The following NALCN variants were observed in gnomAD, a reference collection of about 807,000 sequenced individuals.
NALCN encodes sodium leak channel NALCN.
A neutral mutation model predicts 225.3 loss-of-function variants in NALCN; 111 were observed. The observed-to-expected ratio is 0.49, with a 90% CI of 0.42 to 0.58. NALCN has a LOEUF of 0.58. Ranked by LOEUF, NALCN falls within the 20% of genes least tolerant of loss-of-function variation. The probability of loss-of-function intolerance (pLI) is 0.00; values close to 1 mark genes in which losing one functional copy is unlikely to be tolerated. For missense variants in NALCN, 1,378 were observed against 2,202.4 expected (o/e 0.63, Z 7.49); for synonymous variants, 764 against 769.0 (o/e 0.99, Z 0.11).
intron 6 of NALCN, among the ~76,000 whole-genome samples, chr13:101,374,277 T>C (rs952040649): frequency 1.4e-5 from 2 of 145,786 alleles, no homozygotes; most frequent in Non-Finnish European, 3.0e-5. Context: ...TCTTTCTTTT[T>C]TTTTTTTTTT....
At chr13:101,311,086 A>G (rs562678364) in intron 7 of NALCN, among the ~76,000 whole-genome samples, 1 of 151,222 alleles carries the variant, frequency 6.6e-6, no homozygotes, top group Non-Finnish European at 1.5e-5. Flanking sequence ...ATCCCTCGTA[A>G]GTTGGATTGC....
intron 38 of NALCN, 147 bp from the exon 39 acceptor site, chr13:101,068,180 T>C (rs1437805684): frequency 6.6e-6 from 4 of 608,100 alleles, no homozygotes; most frequent in Non-Finnish European, 1.1e-5. Flanking sequence ...GGTTTCCAAA[T>C]TGGCATGTTT....
At chr13:101,106,837 T>C (rs537792478) in intron 22 of NALCN, among the ~76,000 whole-genome samples, 62 of 152,234 alleles carry the variant, frequency 4.1e-4, no homozygotes, top group Non-Finnish European at 7.9e-4. Context: ...GTCTCAGGTA[T>C]GTCTTTATCA....
At chr13:101,110,560 C>A (rs1475202621) in intron 20 of NALCN, 59 bp downstream of exon 20, 2 of 1,563,048 alleles carry the variant, frequency 1.3e-6, no homozygotes, top group African/African-American at 1.4e-5. Context: ...TCTAAGCAGT[C>A]ATTTAAATAC....
intron 10 of NALCN, among the ~76,000 whole-genome samples, chr13:101,273,127 A>G (rs771744814): frequency 3.9e-5 from 6 of 152,188 alleles, no homozygotes; most frequent in Non-Finnish European, 5.9e-5. Flanking sequence ...TCCTCATGGT[A>G]ATAGAGCACG....
At chr13:101,124,784 T>C (rs1017029597) in intron 17 of NALCN, 103 bp from the exon 18 acceptor site, 6 of 979,366 alleles carry the variant, frequency 6.1e-6, no homozygotes, top group Admixed American at 4.0e-5. Flanking sequence ...AACATGAATA[T>C]GTTTCGCTAA....
intron 10 of NALCN, among the ~76,000 whole-genome samples, chr13:101,271,378 CTGTTT>C (rs1462767260): frequency 6.6e-6 from 1 of 151,920 alleles, no homozygotes; most frequent in African/African-American, 2.4e-5. Context: ...ATTGGCCTCT[CTGTTT>C]AGTTTATTTG....
At chr13:101,393,247 A>G (rs923539869) in intron 3 of NALCN, among the ~76,000 whole-genome samples, 2 of 152,226 alleles carry the variant, frequency 1.3e-5, no homozygotes, top group East Asian at 3.9e-4. Context: ...AATGCAAATT[A>G]AAACTACAGT....
At chr13:101,126,171 T>C (rs532438925) in intron 17 of NALCN, among the ~76,000 whole-genome samples, 1 of 152,254 alleles carries the variant, frequency 6.6e-6, no homozygotes, top group East Asian at 1.9e-4. Context: ...AATGATAACC[T>C]AGATAACATC....
chr13:101,209,697 T>A (rs1031017585), intron 13 of NALCN, among the ~76,000 whole-genome samples: 21 of 152,220 alleles, frequency 1.4e-4, no homozygotes, highest in Non-Finnish European at 1.9e-4. Flanking sequence ...TCTCCCTCGC[T>A]CTTCAAGAGA....
chr13:101,257,209 G>GTTTT (rs34334262), intron 11 of NALCN, among the ~76,000 whole-genome samples: 1,713 of 121,042 alleles, frequency 0.014, 52 homozygotes, highest in African/African-American at 0.019. Context: ...ATTGTTTATT[G>GTTTT]TTTTTTTTTT....
chr13:101,236,665 C>T (rs2041564779), intron 12 of NALCN, among the ~76,000 whole-genome samples: 1 of 149,180 alleles, frequency 6.7e-6, no homozygotes, highest in Non-Finnish European at 1.5e-5. Flanking sequence ...ATCGCAAGAA[C>T]AAAAAACCAA....
intron 41 of NALCN, among the ~76,000 whole-genome samples, chr13:101,061,183 G>T (rs2139404358): frequency 6.6e-6 from 1 of 152,282 alleles, no homozygotes; most frequent in Admixed American, 6.5e-5. Context: ...ATGAGTTAGA[G>T]AATCTTATAG....
intron 12 of NALCN, among the ~76,000 whole-genome samples, chr13:101,237,077 C>G (rs967855559): frequency 2.2e-4 from 33 of 151,358 alleles, no homozygotes; most frequent in Non-Finnish European, 7.4e-5. Context: ...AAGTATTTAC[C>G]AGGACAGTGA....
Position 101,104,255 on chromosome 13 carries a change from A to G in NALCN, c.2889+40T>C. On this transcript the variant is annotated intron_variant, in intron 25 of 43. Transcript: ENST00000251127. This position sits in a 1 kb window ranked among gnomAD's most constrained non-coding sequence, Gnocchi z 4.2. ...CAAGAAATGCAGGAGATTTTACAAA[A>G]CCATTACATTTTTCATTTAGGCAAT... The G allele has an allele frequency of 1.3e-6, 2 of 1,559,470 alleles. No individual in the cohort carries two copies. Among genetic ancestry groups the G allele is most frequent in the Non-Finnish European group, 1.7e-6 (2 of 1,157,316 alleles).
intron 13 of NALCN, among the ~76,000 whole-genome samples, chr13:101,207,989 G>T (rs112584980): frequency 6.6e-6 from 1 of 151,588 alleles, no homozygotes; most frequent in African/African-American, 2.4e-5. Flanking sequence ...CTCCAGAGGC[G>T]CTGCCTTTAT....
chr13:101,253,720 C>A (rs750989947), intron 11 of NALCN, among the ~76,000 whole-genome samples: 11 of 152,024 alleles, frequency 7.2e-5, no homozygotes, highest in Admixed American at 2.0e-4. Context: ...ATAGCTTAAA[C>A]CAAGATCCAT....
intron 13 of NALCN, among the ~76,000 whole-genome samples, chr13:101,197,714 C>A (rs2039947790): frequency 6.6e-6 from 1 of 152,154 alleles, no homozygotes; most frequent in Non-Finnish European, 1.5e-5. Context: ...CAACTCTACC[C>A]TGCCAGGGAA....
intron 15 of NALCN, among the ~76,000 whole-genome samples, chr13:101,146,977 C>T (rs1490093918): frequency 1.1e-4 from 16 of 152,152 alleles, no homozygotes; most frequent in African/African-American, 3.1e-4. Flanking sequence ...CGAGACTTCA[C>T]GGGCAGCAGA....
Sources: gnomAD v4.1 joint callset for allele counts (sites outside exome capture counted in the v4.1 genomes callset) on GRCh38, gnomAD v4.1.1 for gene constraint, Gnocchi (gnomAD v3.1) non-coding constraint, MANE v1.5 for transcripts, NCBI Gene and HGNC (gene_info 2026-07-23, HGNC 2026-07-21) for gene names.